The following BMAL2 variants were observed in gnomAD, a reference collection of about 807,000 sequenced individuals.
BMAL2 encodes basic helix-loop-helix ARNT-like protein 2.
the BMAL2 span, among the ~76,000 whole-genome samples, chr12:27,376,807 T>C: frequency 6.6e-6 from 1 of 151,902 alleles, no homozygotes; most frequent in South Asian, 2.1e-4. Context: ...GAGACCATCC[T>C]GGCTAACACG....
At chr12:27,377,095 T>C in the BMAL2 span, among the ~76,000 whole-genome samples, 1 of 152,098 alleles carries the variant, frequency 6.6e-6, no homozygotes, top group South Asian at 2.1e-4. Flanking sequence ...TAAAATATTT[T>C]TCTACATCTG....
At chr12:27,352,987 A>G in the BMAL2 span, among the ~76,000 whole-genome samples, 1 of 152,268 alleles carries the variant, frequency 6.6e-6, no homozygotes, top group Non-Finnish European at 1.5e-5. Context: ...CAATATTGTT[A>G]AAATGGCTAT....
the BMAL2 span, among the ~76,000 whole-genome samples, chr12:27,381,981 T>G: frequency 6.6e-6 from 1 of 152,140 alleles, no homozygotes; most frequent in African/African-American, 2.4e-5. Context: ...TAATGGAAAT[T>G]ATCTGGGCAC....
the BMAL2 span, among the ~76,000 whole-genome samples, chr12:27,369,299 T>TC: frequency 1.3e-5 from 2 of 150,786 alleles, no homozygotes; most frequent in East Asian, 3.9e-4. Context: ...TCTTTTTTGG[T>TC]GGGGGGGGTG....
the BMAL2 span, among the ~76,000 whole-genome samples, chr12:27,405,230 T>G: frequency 2.0e-5 from 3 of 152,210 alleles, no homozygotes; most frequent in African/African-American, 7.2e-5. Context: ...TGTCCCTGTC[T>G]GACAGCTTGG....
the BMAL2 span, among the ~76,000 whole-genome samples, chr12:27,363,980 C>T: frequency 4.6e-5 from 7 of 152,244 alleles, no homozygotes; most frequent in African/African-American, 1.7e-4. Flanking sequence ...GTAGTTATTT[C>T]TGACAATTCT....
At chr12:27,420,025 A>G in the BMAL2 span, among the ~76,000 whole-genome samples, 211 of 129,254 alleles carry the variant, frequency 1.6e-3, no homozygotes, top group African/African-American at 6.7e-3. Flanking sequence ...GCGTGCACAC[A>G]CACACACACA....
the BMAL2 span, among the ~76,000 whole-genome samples, chr12:27,385,040 G>T: frequency 6.6e-6 from 1 of 152,162 alleles, no homozygotes. Flanking sequence ...TTAGCTGGGC[G>T]TAGTGGCTCA....
At chr12:27,397,208 C>T in the BMAL2 span, among the ~76,000 whole-genome samples, 32 of 152,214 alleles carry the variant, frequency 2.1e-4, no homozygotes, top group African/African-American at 6.5e-4. Flanking sequence ...GTAACTGGGA[C>T]TACAGGCACA....
the BMAL2 span, among the ~76,000 whole-genome samples, chr12:27,416,492 G>A: frequency 6.6e-6 from 1 of 152,066 alleles, no homozygotes; most frequent in Non-Finnish European, 1.5e-5. Context: ...ATGCATTATT[G>A]TATATACAAA....
At chr12:27,418,280 T>C in the BMAL2 span, 6 of 913,800 alleles carry the variant, frequency 6.6e-6, no homozygotes, top group Middle Eastern at 2.2e-4. Flanking sequence ...ACAGGAAATT[T>C]GTAGAGAAGC....
chr12:27,419,077 C>G, the BMAL2 span, among the ~76,000 whole-genome samples: 1 of 151,270 alleles, frequency 6.6e-6, no homozygotes, highest in Non-Finnish European at 1.5e-5. Flanking sequence ...TTAATTAAAA[C>G]CAAGGTATTT....
chr12:27,402,960 G>T, the BMAL2 span, among the ~76,000 whole-genome samples: 11 of 152,126 alleles, frequency 7.2e-5, no homozygotes, highest in African/African-American at 2.7e-4. Flanking sequence ...GCAATTAGTT[G>T]TTCATTCAAC....
chr12:27,393,330 CTT>C, the BMAL2 span, among the ~76,000 whole-genome samples: 1 of 152,198 alleles, frequency 6.6e-6, no homozygotes, highest in Non-Finnish European at 1.5e-5. Context: ...GGTTCTCAAA[CTT>C]TAGCCTGCAT....
the BMAL2 span, among the ~76,000 whole-genome samples, chr12:27,391,825 G>A: frequency 6.6e-6 from 1 of 152,166 alleles, no homozygotes; most frequent in Non-Finnish European, 1.5e-5. Context: ...GCAGTCCTCA[G>A]GGGGATCTGT....
chr12:27,370,332 T>A, the BMAL2 span: 6 of 826,886 alleles, frequency 7.3e-6, no homozygotes, highest in Non-Finnish European at 1.2e-5. Flanking sequence ...GCTCATCATC[T>A]ATCCCAGAGC....
the BMAL2 span, among the ~76,000 whole-genome samples, chr12:27,366,296 T>C: frequency 2.3e-4 from 35 of 152,322 alleles, no homozygotes; most frequent in Non-Finnish European, 3.5e-4. Flanking sequence ...CTACTAGGCA[T>C]AGTGCTCCAT....
the BMAL2 span, among the ~76,000 whole-genome samples, chr12:27,361,414 C>G: frequency 6.6e-6 from 1 of 152,148 alleles, no homozygotes; most frequent in African/African-American, 2.4e-5. Flanking sequence ...AAAAGGCAAT[C>G]ACGATATCTT....
At chr12:27,351,801 G>A in the BMAL2 span, among the ~76,000 whole-genome samples, 4,377 of 151,784 alleles carry the variant, frequency 0.029, 106 homozygotes, top group Non-Finnish European at 0.046. Context: ...TGCCCACTCC[G>A]CTTGGGAACG....
Sources: allele counts gnomAD v4.1 joint callset (sites outside exome capture counted in the v4.1 genomes callset), GRCh38; gene constraint gnomAD v4.1.1; transcripts MANE v1.5; gene names NCBI Gene and HGNC (gene_info 2026-07-23, HGNC 2026-07-21).